COL6A3: variants seen among roughly 807,000 people sequenced by gnomAD.
COL6A3 encodes collagen type VI alpha 3 chain.
In COL6A3, 137 loss-of-function variants were observed where a neutral mutation model predicts 274.1. The ratio of observed to expected loss-of-function variants is 0.50; its 90% CI spans 0.44 to 0.58. The LOEUF (loss-of-function observed/expected upper bound fraction) is 0.58, where lower values mean the gene tolerates loss of function less well. COL6A3 is among the 20% of genes least tolerant of loss of function. The pLI, the probability that COL6A3 is intolerant of heterozygous loss-of-function variation, is 0.00. For synonymous variants in COL6A3, 1,650 were observed against 1,650.6 expected, an observed-to-expected ratio of 1.00 and a Z score of 0.01; for missense variants, 3,950 against 4,124.9, an observed-to-expected ratio of 0.96 and a Z score of 1.16.
In COL6A3 at chr2:237,359,243, A is replaced by C. The variant is rs1205856351; in HGVS notation, c.6317T>G (p.Val2106Gly). Residue 2106 changes from valine to glycine, a missense_variant, in exon 19 of 44, where the codon GTA becomes GGA. Around this residue, in one of 5 missense-constraint regions of COL6A3, gnomAD observed 92 missense variants for 143.4 expected, o/e 0.64. Coordinates refer to ENST00000295550, the MANE Select transcript of COL6A3 (RefSeq NM_004369.4). Reference protein sequence around the residue: ...SRGFPGEKGEVGEIGLDGLDG... With the variant: ...SRGFPGEKGEGGEIGLDGLDG... The stretch of plus-strand genomic sequence containing the variant: ...CAGACCATCCAGTCCAATTTCTCCT[A>C]CTTCGCCCTAAGAGGGAATAAGGCG... 4 of 1,614,102 alleles carry C rather than the reference A, an allele frequency of 2.5e-6. No homozygotes were observed. The highest frequency in any genetic ancestry group is 3.4e-6 in the Non-Finnish European group (4 of 1,180,036).
At chr2:237,372,429 G>T (rs2106357936) in intron 8 of COL6A3, 92 bp from the exon 9 acceptor site, 1 of 1,596,320 alleles carries the variant, frequency 6.3e-7, no homozygotes, top group South Asian at 1.1e-5. Context: ...GGATTCACAG[G>T]CAGGGGATCC....
At position 237,372,242 on chromosome 2, in the gene COL6A3, C is replaced by T; in HGVS notation, c.3775G>A (p.Val1259Ile). 1 of 1,614,044 alleles carries T rather than the reference C, an allele frequency of 6.2e-7. No homozygotes were observed. The highest frequency in any genetic ancestry group is 8.5e-7 in the Non-Finnish European group (1 of 1,180,040). The change falls in exon 9 of 44, where the codon GTT becomes ATT. Residue 1259 changes from valine to isoleucine, a missense_variant. Physicochemically the swap from Val to Ile is conservative, Grantham distance 29. Around this residue, in one of 5 missense-constraint regions of COL6A3, gnomAD observed 1,934 missense variants for 1,984.3 expected, o/e 0.97. Transcript: ENST00000295550. ...QYVRTLIERL[V>I]DYLDVGFDTT... ...TCAAAGCCCACGTCCAGGTAGTCAA[C>T]CAGCCTCTCTATGAGGGTGCGAACG...
rs145868338 is a variant in COL6A3, at chr2:237,344,407, C to T, written c.7611G>A (p.Gly2537=). 1 of 1,614,172 alleles carries T rather than the reference C, an allele frequency of 6.2e-7. No homozygotes were observed. The highest frequency in any genetic ancestry group is 8.5e-7 in the Non-Finnish European group (1 of 1,180,000). The change falls in exon 36 of 44, where the codon GGG becomes GGA. Residue 2537 remains glycine, a synonymous_variant. Coordinates refer to ENST00000295550, the MANE Select transcript of COL6A3 (RefSeq NM_004369.4). This position sits in a 1 kb window ranked among gnomAD's most constrained non-coding sequence, Gnocchi z 4.8. ...REAVLKLSDA[G]ITPLFLTRQE... is the part of the protein sequence containing the mutation. Reference sequence around the variant, plus strand: ...GCCTTGTAAGGAACAAGGGGGTGATCCCCGCATCTGAGAGCTTGAGCACAG... The same window carrying T: ...GCCTTGTAAGGAACAAGGGGGTGATTCCCGCATCTGAGAGCTTGAGCACAG...
At chr2:237,347,657 TG>T in intron 31 of COL6A3, 149 bp downstream of exon 31, 1 of 798,864 alleles carries the variant, frequency 1.3e-6, no homozygotes, top group African/African-American at 1.7e-5. Context: ...CTGAGGACAT[TG>T]GTCTGGGGCT....
chr2:237,405,342 G>A (rs1169683168), intron 1 of COL6A3, among the ~76,000 whole-genome samples: 2 of 151,896 alleles, frequency 1.3e-5, no homozygotes, highest in East Asian at 3.8e-4. Context: ...TCATGTCCTG[G>A]AGTCTCCATT....
intron 39 of COL6A3, among the ~76,000 whole-genome samples, chr2:237,337,886 G>A (rs113295526): frequency 2.0e-5 from 3 of 148,146 alleles, no homozygotes; most frequent in Admixed American, 6.7e-5. Context: ...CACCCCTCCC[G>A]TCAGTCTTCA....
At chr2:237,388,554 C>T (rs2078211465) in intron 3 of COL6A3, among the ~76,000 whole-genome samples, 2 of 152,148 alleles carry the variant, frequency 1.3e-5, no homozygotes, top group Admixed American at 1.3e-4. Context: ...ACTACCAAAC[C>T]TACCAGGGAA....
chr2:237,362,634 C>T (rs867121039), intron 14 of COL6A3, among the ~76,000 whole-genome samples: 1 of 152,216 alleles, frequency 6.6e-6, no homozygotes, highest in East Asian at 1.9e-4. Context: ...CTCCCATTCT[C>T]ATAGCCACAG....
intron 3 of COL6A3, among the ~76,000 whole-genome samples, chr2:237,391,450 G>A (rs1359894585): frequency 6.6e-6 from 1 of 152,142 alleles, no homozygotes; most frequent in African/African-American, 2.4e-5. Context: ...CTATTTTTGT[G>A]AGTATAACAA....
At position 237,365,749 on chromosome 2, in the gene COL6A3, G is replaced by A; in HGVS notation, c.5787C>T (p.Thr1929=). ...SQHPYVLTED[T]LKVYLNKFRQ... ...TGAACTTGTTCAGGTAGACCTTCAG[G>A]GTGTCCTCCGTGAGGACGTAGGGGT... Residue 1929 remains threonine, a synonymous_variant, in exon 12 of 44, where the codon ACC becomes ACT. Transcript: ENST00000295550. The A allele has an allele frequency of 6.2e-7, 1 of 1,614,190 alleles. No homozygotes were observed. The highest frequency in any genetic ancestry group is 2.2e-5 in the East Asian group (1 of 44,868).
At position 237,366,915 on chromosome 2, in the gene COL6A3, C is replaced by T. The variant is rs536364005; in HGVS notation, c.5272G>A (p.Asp1758Asn). The change falls in exon 11 of 44, where the codon GAT (aspartate) becomes AAT (asparagine). Residue 1758 changes from aspartate to asparagine, a missense_variant. By Grantham distance (23) the Asp-to-Asn change is conservative. Coordinates refer to ENST00000295550, the MANE Select transcript of COL6A3 (RefSeq NM_004369.4). ...AGGGCCAGGCTCACATCCTGTGCAT[C>T]TTCCACCGACTTTCCTCCCGTGATC... is the stretch of plus-strand genomic sequence containing the variant. ...FVITGGKSVE[D>N]AQDVSLALTQ... 1 of 1,614,246 alleles carries T rather than the reference C, an allele frequency of 6.2e-7. No individual in the cohort carries two copies. The highest frequency in any genetic ancestry group is 1.1e-5 in the South Asian group (1 of 91,080).
chr2:237,370,201 A>G (rs1220333418), intron 9 of COL6A3, among the ~76,000 whole-genome samples: 1 of 145,958 alleles, frequency 6.9e-6, no homozygotes, highest in Non-Finnish European at 1.5e-5. Context: ...ACATTAGCGC[A>G]TTTTTAAAAA....
In COL6A3 at chr2:237,339,122, AG is replaced by A; in HGVS notation, c.8465-6del. On this transcript the variant is annotated splice_polypyrimidine_tract_variant and splice_region_variant and intron_variant, in intron 38 of 43. Transcript: ENST00000295550. Reference sequence around the variant, plus strand: ...ACAAGTAAAAAGCATTTTCACCTAAAGAAAAAAAACAAAGAAAACAATTGAA... The same window carrying A: ...ACAAGTAAAAAGCATTTTCACCTAAAAAAAAAAACAAAGAAAACAATTGAA... The A allele has an allele frequency of 6.2e-7, 1 of 1,606,426 alleles. No homozygotes were observed. Among genetic ancestry groups the A allele is most frequent in the Non-Finnish European group, 8.5e-7 (1 of 1,173,044 alleles).
chr2:237,394,512 T>A, intron 3 of COL6A3, 75 bp downstream of exon 3: 1 of 1,602,508 alleles, frequency 6.2e-7, no homozygotes, highest in Non-Finnish European at 8.5e-7. Context: ...TAGCTGTTGC[T>A]TTAAGGCCAG....
At position 237,351,201 on chromosome 2, in the gene COL6A3, G is replaced by C. The variant is rs886038542; in HGVS notation, c.6754-9C>G. The C allele has an allele frequency of 6.2e-6, 10 of 1,613,992 alleles. No homozygotes were observed. The highest frequency in any genetic ancestry group is 1.3e-5 in the African/African-American group (1 of 74,930). ...GCGGCACCTCCGCTTCCCTGGAGCA[G>C]GAGGGGAGGAATGTGTCAGTGAAGT... On this transcript the variant is annotated splice_polypyrimidine_tract_variant and intron_variant, in intron 26 of 43. Transcript: ENST00000295550.
chr2:237,381,101 C>T lies in COL6A3; in HGVS notation c.1711G>A (p.Glu571Lys), dbSNP rs1286294282. The T allele has an allele frequency of 1.9e-6, 3 of 1,614,140 alleles. No homozygotes were observed. Among genetic ancestry groups the T allele is most frequent in the Non-Finnish European group, 2.5e-6 (3 of 1,180,056 alleles). The change falls in exon 5 of 44, where the codon GAG becomes AAG. Residue 571 changes from glutamate (E) to lysine (K), a missense_variant. Glu to Lys is a moderately conservative substitution (Grantham distance 56, BLOSUM62 1). Around this residue, in one of 5 missense-constraint regions of COL6A3, gnomAD observed 1,934 missense variants for 1,984.3 expected, o/e 0.97. Transcript: ENST00000295550. ...SLDEISQPAQELKRSSIMAFA... is the reference protein window; with the variant it reads ...SLDEISQPAQKLKRSSIMAFA... ...GCCATTATGCTGCTTCTCTTCAGCT[C>T]CTGGGCAGGCTGGCTGATTTCATCT...
intron 32 of COL6A3, among the ~76,000 whole-genome samples, chr2:237,346,186 G>A (rs1289718473): frequency 6.6e-6 from 1 of 152,106 alleles, no homozygotes; most frequent in Non-Finnish European, 1.5e-5. Flanking sequence ...CAAGCAAAAG[G>A]TATTTAGATT....
At position 237,374,055 on chromosome 2, in the gene COL6A3, GGT is replaced by G. The variant is rs2077765118; in HGVS notation, c.3679+355_3679+356del. ...AAGGCTGCTGACCAAACCTACCAGG[GGT>G]CGCAGGACTGATACGCAACAGGCGT... On this transcript the variant is annotated intron_variant, in intron 8 of 43. Transcript: ENST00000295550. The surrounding 1 kb of genome is among the most constrained non-coding windows in gnomAD (Gnocchi z 4.8). Among the ~76,000 whole-genome samples, 1 of 152,186 alleles carries G rather than the reference GGT, an allele frequency of 6.6e-6. No homozygotes were observed. The highest frequency in any genetic ancestry group is 1.5e-5 in the Non-Finnish European group (1 of 68,034).
Position 237,340,386 on chromosome 2 carries a change from C to G in COL6A3, c.8464+66G>C. The stretch of plus-strand genomic sequence containing the variant: ...ATCGGTTGTCTTTTCCATGACTGTT[C>G]CTACACTTCTCCTGGCCCGAGCATA... On this transcript the variant is annotated intron_variant, in intron 38 of 43. Transcript: ENST00000295550. 12 of 1,459,864 alleles carry G rather than the reference C, an allele frequency of 8.2e-6. No homozygotes were observed. The South Asian group carries it at 1.4e-4, about 17-fold the overall frequency. The allele number at this position is 1,459,864 out of a possible 1,614,324, so 90.4% of individuals were successfully genotyped here.
Sources: allele counts gnomAD v4.1 joint callset (sites outside exome capture counted in the v4.1 genomes callset), GRCh38; gene constraint gnomAD v4.1.1; regional missense constraint gnomAD v4.1.1; non-coding constraint Gnocchi (gnomAD v3.1); transcripts MANE v1.5; gene names NCBI Gene and HGNC (gene_info 2026-07-23, HGNC 2026-07-21).